The following WNK2 variants were observed in gnomAD, a reference collection of about 807,000 sequenced individuals.
WNK2 encodes WNK lysine deficient protein kinase 2, also known as serine/threonine-protein kinase WNK2.
In WNK2, 67 loss-of-function variants were observed where a neutral mutation model predicts 192.1. The ratio of observed to expected loss-of-function variants is 0.35; its 90% CI spans 0.29 to 0.43. The LOEUF is 0.43. Among genes scored for constraint, WNK2 ranks in the 20% least tolerant of loss-of-function variants. The probability of loss-of-function intolerance (pLI) is 1.00; values close to 1 mark genes in which losing one functional copy is unlikely to be tolerated. For missense variants in WNK2, 2,698 were observed against 3,089.7 expected (o/e 0.87, Z 3.01); for synonymous variants, 1,439 against 1,393.9 (o/e 1.03, Z -0.72).
intron 2 of WNK2, among the ~76,000 whole-genome samples, chr9:93,207,834 C>T (rs1312106601): frequency 1.3e-5 from 2 of 151,932 alleles, no homozygotes; most frequent in Non-Finnish European, 2.9e-5. Flanking sequence ...TTGGGAAATA[C>T]AGGAAAGGAA....
chr9:93,259,718 G>A lies in WNK2; in HGVS notation c.3066+104G>A. 1 of 1,152,274 alleles carries A rather than the reference G, an allele frequency of 8.7e-7. No homozygotes were observed. The highest frequency in any genetic ancestry group is 1.2e-6 in the Non-Finnish European group (1 of 841,474). 71.4% of individuals were successfully genotyped at this position (1,152,274 alleles called of 1,614,324 possible). A position where few individuals can be genotyped will look rare whatever the true frequency, so the allele number is the denominator to read the frequency against. ...GGCAGGCAAGGAGGCAGCCCTGCCT[G>A]GGGTCGCCCCTCTCAGGAAGAGATG... On this transcript the variant is annotated intron_variant, in intron 12 of 29. Transcript: ENST00000427277. The surrounding 1 kb of genome is among the most constrained non-coding windows in gnomAD (Gnocchi z 4.8).
At chr9:93,310,934 A>AG (rs1853536153) in intron 28 of WNK2, among the ~76,000 whole-genome samples, 2 of 152,204 alleles carry the variant, frequency 1.3e-5, no homozygotes, top group South Asian at 4.1e-4. Flanking sequence ...ACTGTACTCC[A>AG]GCCTGGGTGA....
intron 4 of WNK2, among the ~76,000 whole-genome samples, chr9:93,232,793 G>A (rs548075061): frequency 4.6e-5 from 7 of 151,960 alleles, no homozygotes; most frequent in Middle Eastern, 3.2e-3. Flanking sequence ...GCTGTCCCTC[G>A]TCAACCCAGC....
chr9:93,319,051 T>A, intron 29 of WNK2: 1 of 1,595,462 alleles, frequency 6.3e-7, no homozygotes, highest in African/African-American at 1.3e-5. Context: ...CTGTTCTCTG[T>A]ACTGGGCCCC....
chr9:93,278,416 C>A (rs1368878803), intron 19 of WNK2, among the ~76,000 whole-genome samples: 1 of 152,164 alleles, frequency 6.6e-6, no homozygotes. Context: ...CTCACACAGG[C>A]CTGGGAATGT....
At chr9:93,296,562 C>G (rs1311659138) in intron 23 of WNK2, among the ~76,000 whole-genome samples, 1 of 69,400 alleles carries the variant, frequency 1.4e-5, no homozygotes, top group Admixed American at 1.4e-4. Context: ...CTCCATCCTC[C>G]CCTTACCTTC....
chr9:93,319,134 C>T (rs888275042), intron 29 of WNK2: 3 of 1,614,042 alleles, frequency 1.9e-6, no homozygotes, highest in Non-Finnish European at 2.5e-6. Flanking sequence ...CTTCCTTGTA[C>T]ATGGTGGTCA....
intron 26 of WNK2, 173 bp downstream of exon 26, chr9:93,300,322 G>A (rs1327083115): frequency 2.0e-5 from 11 of 560,448 alleles, no homozygotes; most frequent in Admixed American, 6.5e-5. Flanking sequence ...CTGGAGCGGC[G>A]GCCGCCAGCG....
chr9:93,288,695 C>A, intron 19 of WNK2, 93 bp from the exon 20 acceptor site: 1 of 1,288,428 alleles, frequency 7.8e-7, no homozygotes, highest in Non-Finnish European at 1.1e-6. Flanking sequence ...GGGGCCATGG[C>A]CAGCTGTGTA....
chr9:93,242,364 T>C (rs1840917823), intron 7 of WNK2, among the ~76,000 whole-genome samples: 2 of 152,238 alleles, frequency 1.3e-5, no homozygotes, highest in South Asian at 4.1e-4. Flanking sequence ...CTAATGGGGT[T>C]GATGAGCTCT....
intron 2 of WNK2, among the ~76,000 whole-genome samples, chr9:93,196,189 AC>A (rs1831243435): frequency 6.6e-6 from 1 of 151,968 alleles, no homozygotes; most frequent in Non-Finnish European, 1.5e-5. Flanking sequence ...TAACAGGCTG[AC>A]TGTTAGTGGA....
At chr9:93,189,730 G>T (rs1390826367) in intron 2 of WNK2, among the ~76,000 whole-genome samples, 1 of 152,250 alleles carries the variant, frequency 6.6e-6, no homozygotes, top group Non-Finnish European at 1.5e-5. Context: ...TCCCGTGCAG[G>T]TGGGATCCTT....
At chr9:93,205,519 G>A (rs1047337220) in intron 2 of WNK2, among the ~76,000 whole-genome samples, 5 of 152,180 alleles carry the variant, frequency 3.3e-5, no homozygotes, top group Admixed American at 1.3e-4. Context: ...GCCCCTGTCC[G>A]TCCCTGCACC....
intron 4 of WNK2, among the ~76,000 whole-genome samples, chr9:93,232,124 G>A (rs1838917893): frequency 6.6e-6 from 1 of 152,204 alleles, no homozygotes; most frequent in African/African-American, 2.4e-5. Context: ...GCAGGACAGT[G>A]AGCAGTCGAT....
At chr9:93,220,341 C>T (rs1428653949) in intron 2 of WNK2, among the ~76,000 whole-genome samples, 1 of 152,164 alleles carries the variant, frequency 6.6e-6, no homozygotes, top group African/African-American at 2.4e-5. Context: ...GTCCATGCTG[C>T]CCAACACCAG....
At chr9:93,270,503 T>C (rs1235033146) in intron 19 of WNK2, among the ~76,000 whole-genome samples, 3 of 152,218 alleles carry the variant, frequency 2.0e-5, no homozygotes, top group Admixed American at 6.5e-5. Context: ...AGTGGGAAGA[T>C]TGGGGATGCA....
At chr9:93,258,609 C>G (rs1175172292) in intron 11 of WNK2, among the ~76,000 whole-genome samples, 4 of 152,140 alleles carry the variant, frequency 2.6e-5, no homozygotes, top group African/African-American at 9.7e-5. Context: ...CCCTCAGAGC[C>G]CCCAGCATGG....
At chr9:93,222,482 G>A (rs1378008339) in intron 2 of WNK2, among the ~76,000 whole-genome samples, 18 of 152,108 alleles carry the variant, frequency 1.2e-4, no homozygotes. Context: ...AGAGTCCAGT[G>A]CCGCCGACTC....
At position 93,313,050 on chromosome 9, in the gene WNK2, C is replaced by T. The variant is rs536340501; in HGVS notation, c.6516+4466C>T. Among the ~76,000 whole-genome samples, 179 of 152,286 alleles carry T rather than the reference C, an allele frequency of 1.2e-3. 1 individual carries two copies. The highest frequency in any genetic ancestry group is 1.8e-3 in the Admixed American group (28 of 15,298). The stretch of plus-strand genomic sequence containing the variant: ...AGCTCTTCTAGTTCCATTTGATCAC[C>T]TTCATAATTCCTATCTGTTGATATC... On this transcript the variant is annotated intron_variant, in intron 28 of 29. Coordinates refer to ENST00000427277, the MANE Select transcript of WNK2 (RefSeq NM_006648.4).
Sources: allele counts gnomAD v4.1 joint callset (sites outside exome capture counted in the v4.1 genomes callset), GRCh38; gene constraint gnomAD v4.1.1; non-coding constraint Gnocchi (gnomAD v3.1); transcripts MANE v1.5; gene names NCBI Gene and HGNC (gene_info 2026-07-23, HGNC 2026-07-21).